FGD5: variants seen among roughly 807,000 people sequenced by gnomAD.
FGD5 encodes the protein FYVE, RhoGEF and PH domain-containing protein 5.
A neutral mutation model predicts 133.4 loss-of-function variants in FGD5; 28 were observed. The ratio of observed to expected loss-of-function variants is 0.21; its 90% CI spans 0.16 to 0.29. The LOEUF (loss-of-function observed/expected upper bound fraction) is 0.29. FGD5 is among the 10% of genes least tolerant of loss of function. FGD5 has a pLI of 1.00. For missense variants in FGD5, 1,858 were observed against 1,895.2 expected (o/e 0.98, Z 0.36); for synonymous variants, 810 against 776.5 (o/e 1.04, Z -0.72).
At chr3:14,825,130 G>A (rs2036576132) in intron 1 of FGD5, among the ~76,000 whole-genome samples, 1 of 152,216 alleles carries the variant, frequency 6.6e-6, no homozygotes, top group African/African-American at 2.4e-5. Flanking sequence ...GTGAGTAGCA[G>A]CTCAGGGTCT....
In FGD5 at chr3:14,933,114, CCT is replaced by C; in HGVS notation, c.4353-16_4353-15del. ...CAGAGCCGCAAAACCAAATGTCCTC[CCT>C]GTTTTGTTTTATAGGTGGATCGAGG... On this transcript the variant is annotated splice_polypyrimidine_tract_variant and intron_variant, in intron 19 of 19. Transcript: ENST00000285046. The C allele has an allele frequency of 6.2e-7, 1 of 1,612,694 alleles. No homozygotes were observed. The highest frequency in any genetic ancestry group is 8.5e-7 in the Non-Finnish European group (1 of 1,179,396).
chr3:14,917,131 G>A lies in FGD5; in HGVS notation c.3406-118G>A, dbSNP rs2038571950. The A allele has an allele frequency of 2.4e-6, 2 of 826,234 alleles. No homozygotes were observed. Among genetic ancestry groups the A allele is most frequent in the Non-Finnish European group, 3.7e-6 (2 of 533,686 alleles). The allele number at this position is 826,234 out of a possible 1,614,324, so 51.2% of individuals were successfully genotyped here. On this transcript the variant is annotated intron_variant, in intron 11 of 19. Transcript: ENST00000285046. This position sits in a 1 kb window ranked among gnomAD's most constrained non-coding sequence, Gnocchi z 4.1. ...CCGCAACGTTTTTGCTCACCTGTGG[G>A]GGTTACTGAGGAATACAAGATGCCT...
At chr3:14,915,250 A>G (rs950970617) in intron 11 of FGD5, among the ~76,000 whole-genome samples, 2 of 152,228 alleles carry the variant, frequency 1.3e-5, no homozygotes, top group Non-Finnish European at 2.9e-5. Flanking sequence ...CTGCATTGCC[A>G]TGGCTGGAAC....
intron 10 of FGD5, 95 bp from the exon 11 acceptor site, chr3:14,910,766 T>TCAG: frequency 2.0e-5 from 22 of 1,124,568 alleles, no homozygotes; most frequent in Non-Finnish European, 2.9e-5. Context: ...TGTCTGGGAT[T>TCAG]GATTTAAGTT....
At chr3:14,851,659 G>A (rs1459828964) in intron 1 of FGD5, among the ~76,000 whole-genome samples, 1 of 152,138 alleles carries the variant, frequency 6.6e-6, no homozygotes, top group Non-Finnish European at 1.5e-5. Context: ...GTTCTTGAAT[G>A]TTACCTCTTT....
chr3:14,860,192 C>T (rs1460477050), intron 1 of FGD5, among the ~76,000 whole-genome samples: 1 of 152,184 alleles, frequency 6.6e-6, no homozygotes, highest in African/African-American at 2.4e-5. Flanking sequence ...TTTTGACACC[C>T]CTAGGTATGC....
At chr3:14,833,818 AGACACACCTGCC>A (rs570654145) in intron 1 of FGD5, among the ~76,000 whole-genome samples, 145 of 152,318 alleles carry the variant, frequency 9.5e-4, no homozygotes, top group South Asian at 2.9e-3. Flanking sequence ...AAATGCTGGA[AGACACACCTGCC>A]GACAAGCAGC....
chr3:14,931,762 T>C (rs1203334707), intron 18 of FGD5: 1 of 152,222 alleles, frequency 6.6e-6, no homozygotes, highest in Non-Finnish European at 1.5e-5. Context: ...GTGCTCCATA[T>C]TGAAATACTG....
intron 1 of FGD5, among the ~76,000 whole-genome samples, chr3:14,834,832 C>A (rs1457835143): frequency 6.6e-6 from 1 of 152,046 alleles, no homozygotes; most frequent in South Asian, 2.1e-4. Flanking sequence ...GTATTTTGTC[C>A]CTTGCCTTCT....
intron 2 of FGD5, among the ~76,000 whole-genome samples, chr3:14,866,068 A>G (rs2037487791): frequency 6.7e-6 from 1 of 150,008 alleles, no homozygotes; most frequent in African/African-American, 2.4e-5. Context: ...GGAGCCCACC[A>G]TGCACAACTC....
At chr3:14,913,517 C>T (rs1368350542) in intron 11 of FGD5, among the ~76,000 whole-genome samples, 1 of 152,224 alleles carries the variant, frequency 6.6e-6, no homozygotes, top group Non-Finnish European at 1.5e-5. Context: ...CTGACAGCTA[C>T]TGGTGTGAGA....
chr3:14,919,417 G>C (rs936074547), intron 13 of FGD5, among the ~76,000 whole-genome samples: 1 of 152,136 alleles, frequency 6.6e-6, no homozygotes, highest in African/African-American at 2.4e-5. Flanking sequence ...ACAAGATCGA[G>C]GCCATCCTGG....
intron 1 of FGD5, among the ~76,000 whole-genome samples, chr3:14,857,361 C>T (rs189162842): frequency 2.0e-5 from 3 of 152,180 alleles, no homozygotes; most frequent in African/African-American, 7.2e-5. Context: ...CATTTTGTTG[C>T]CAAGAGTGGT....
intron 1 of FGD5, among the ~76,000 whole-genome samples, chr3:14,857,168 G>A (rs972464120): frequency 8.1e-6 from 1 of 123,108 alleles, no homozygotes; most frequent in Non-Finnish European, 1.7e-5. Context: ...TTTTTTTTTT[G>A]TTCTAGAGAC....
intron 9 of FGD5, among the ~76,000 whole-genome samples, chr3:14,902,069 G>A (rs368438052): frequency 6.6e-6 from 1 of 152,108 alleles, no homozygotes; most frequent in African/African-American, 2.4e-5. Flanking sequence ...ATCACTTGAG[G>A]TCAGGAGTTC....
Position 14,882,333 on chromosome 3 carries a change from T to G in FGD5, c.2748+1561T>G, listed in dbSNP as rs1000193153. 4 of 985,044 alleles carry G rather than the reference T, an allele frequency of 4.1e-6. No individual in the cohort carries two copies. In the African/African-American group the frequency reaches 5.3e-5, roughly 13 times the overall value. The allele number at this position is 985,044 out of a possible 1,614,324, so 61.0% of individuals were successfully genotyped here. A position where few individuals can be genotyped will look rare whatever the true frequency, so the allele number is the denominator to read the frequency against. Reference sequence around the variant, plus strand: ...TATGTTTGCCCTGCTTCCTGCCAGTTGGAAAGACATTGAAGCCCCTGGTAA... The same window carrying G: ...TATGTTTGCCCTGCTTCCTGCCAGTGGGAAAGACATTGAAGCCCCTGGTAA... On this transcript the variant is annotated intron_variant, in intron 4 of 19. Transcript: ENST00000285046.
In FGD5 at chr3:14,821,468, G is replaced by C. The variant is rs370558190; in HGVS notation, c.2397G>C (p.Ala799=). 1.9e-6 allele frequency: 3 copies of C among 1,614,010 alleles called. No individual in the cohort carries two copies. In the East Asian group the frequency reaches 6.7e-5, roughly 36 times the overall value. ...IPPRRPARAG[A]FTKLFEDQSR... is the part of the protein sequence containing the mutation. ...CCCGGAGACCTGCCAGGGCTGGCGCGTTCACGAAGCTGTTTGAAGATCAGA... is the reference window on the plus strand; with the variant it reads ...CCCGGAGACCTGCCAGGGCTGGCGCCTTCACGAAGCTGTTTGAAGATCAGA... The change falls in exon 1 of 20, where the codon GCG becomes GCC. Residue 799 remains alanine, a synonymous_variant. Coordinates refer to ENST00000285046, the MANE Select transcript of FGD5 (RefSeq NM_152536.4).
intron 4 of FGD5, among the ~76,000 whole-genome samples, chr3:14,891,156 C>T (rs2038018139): frequency 6.6e-6 from 1 of 152,188 alleles, no homozygotes; most frequent in Non-Finnish European, 1.5e-5. Context: ...GCCTGCAGGG[C>T]TGGAGGCTGG....
In FGD5 at chr3:14,880,901, A is replaced by G; in HGVS notation, c.2748+129A>G. On this transcript the variant is annotated intron_variant, in intron 4 of 19. Transcript: ENST00000285046. Reference sequence around the variant, plus strand: ...GAGGCCTGGCAGCAGGCAGGCACTCACCGACGCTTTTCAGGGAAGTCCGTC... The same window carrying G: ...GAGGCCTGGCAGCAGGCAGGCACTCGCCGACGCTTTTCAGGGAAGTCCGTC... 3 of 1,216,522 alleles carry G rather than the reference A, an allele frequency of 2.5e-6. No individual in the cohort carries two copies. The South Asian group carries it at 4.0e-5, about 16-fold the overall frequency. 75.4% of individuals were successfully genotyped at this position (1,216,522 alleles called of 1,614,324 possible). A position where few individuals can be genotyped will look rare whatever the true frequency, so the allele number is the denominator to read the frequency against.
Sources: allele counts gnomAD v4.1 joint callset (sites outside exome capture counted in the v4.1 genomes callset), GRCh38; gene constraint gnomAD v4.1.1; non-coding constraint Gnocchi (gnomAD v3.1); transcripts MANE v1.5; gene names NCBI Gene and HGNC (gene_info 2026-07-23, HGNC 2026-07-21).